The following NRG1 variants were observed in gnomAD, a reference collection of about 807,000 sequenced individuals.
NRG1 encodes the protein pro-neuregulin-1, membrane-bound isoform.
In NRG1, 18 loss-of-function variants were observed where a neutral mutation model predicts 63.8. The ratio of observed to expected loss-of-function variants is 0.28; its 90% CI spans 0.19 to 0.42. NRG1 has a LOEUF of 0.42. Among genes scored for constraint, NRG1 ranks in the 10% least tolerant of loss-of-function variants. NRG1 has a pLI of 1.00. For synonymous variants in NRG1, 302 were observed against 301.3 expected, an observed-to-expected ratio of 1.00 and a Z score of -0.02; for missense variants, 762 against 814.7, an observed-to-expected ratio of 0.94 and a Z score of 0.79.
At chr8:31,954,382 T>C (rs761016166) in intron 1 of NRG1, among the ~76,000 whole-genome samples, 1 of 152,194 alleles carries the variant, frequency 6.6e-6, no homozygotes, top group Non-Finnish European at 1.5e-5. Context: ...TCTTTGGAAA[T>C]ATAGTTTATG....
chr8:32,065,417 T>C (rs530990857), intron 1 of NRG1, among the ~76,000 whole-genome samples: 61 of 152,254 alleles, frequency 4.0e-4, no homozygotes, highest in South Asian at 1.9e-3. Context: ...TGTGTTCTCA[T>C]TGTTCAATTC....
intron 1 of NRG1, among the ~76,000 whole-genome samples, chr8:32,141,451 G>T (rs571924272): frequency 3.0e-4 from 46 of 151,160 alleles, no homozygotes; most frequent in Admixed American, 1.3e-3. Context: ...ATGAAATTTT[G>T]GCCAGGGAAA....
intron 1 of NRG1, among the ~76,000 whole-genome samples, chr8:31,788,443 T>C (rs1427964768): frequency 1.3e-5 from 2 of 152,206 alleles, no homozygotes; most frequent in African/African-American, 4.8e-5. Flanking sequence ...AAACCTATTG[T>C]CTTCTTAAAT....
At chr8:32,763,895 G>A in exon 12 of NRG1, 1 of 1,614,006 alleles carries the variant, frequency 6.2e-7, no homozygotes, top group South Asian at 1.1e-5. Context: ...GCCCCTTCAT[G>A]GAAGAAGAGA....
chr8:31,817,845 T>C (rs1410038415), intron 1 of NRG1, among the ~76,000 whole-genome samples: 1 of 152,228 alleles, frequency 6.6e-6, no homozygotes, highest in Non-Finnish European at 1.5e-5. Context: ...TTTTGTAAGA[T>C]ATTAGAGAAC....
chr8:31,708,536 C>G (rs1368615123), intron 1 of NRG1, among the ~76,000 whole-genome samples: 37 of 149,724 alleles, frequency 2.5e-4, no homozygotes, highest in Admixed American at 1.8e-3. Context: ...AGCTCCGCCT[C>G]CCGGGTTCAC....
At chr8:32,425,559 A>G (rs754956925) in intron 1 of NRG1, among the ~76,000 whole-genome samples, 3 of 152,148 alleles carry the variant, frequency 2.0e-5, no homozygotes, top group Admixed American at 6.5e-5. Context: ...CCATTTCTTT[A>G]TATCTGTGGC....
intron 1 of NRG1, among the ~76,000 whole-genome samples, chr8:32,452,532 C>G (rs1330485241): frequency 6.6e-6 from 1 of 152,104 alleles, no homozygotes; most frequent in Non-Finnish European, 1.5e-5. Flanking sequence ...AGGCTAGAGG[C>G]TAGAATAAGT....
In NRG1 at chr8:32,558,899, G is replaced by T. The variant is rs1213482610; in HGVS notation, c.100+10073G>T. On this transcript the variant is annotated intron_variant, in intron 1 of 11. Transcript: ENST00000356819. ...ATTCAAGACCAGCCTGGGCAACACA[G>T]GAGTCCTCATCTCTACTAAAAATCC... Among the ~76,000 whole-genome samples the T allele has an allele frequency of 2.6e-5, 4 of 151,918 alleles. No individual in the cohort carries two copies. The East Asian group carries it at 5.8e-4, about 22-fold the overall frequency.
intron 5 of NRG1, chr8:32,647,359 T>C (rs1287965472): frequency 8.8e-5 from 87 of 985,228 alleles, no homozygotes; most frequent in Non-Finnish European, 1.0e-4. Context: ...GTGAGAAACA[T>C]GCCTTTCAGT....
At chr8:32,534,928 A>G (rs946552670) in intron 1 of NRG1, among the ~76,000 whole-genome samples, 1 of 152,180 alleles carries the variant, frequency 6.6e-6, no homozygotes, top group East Asian at 1.9e-4. Flanking sequence ...TCTTGGAATT[A>G]TTTAATACAC....
intron 1 of NRG1, among the ~76,000 whole-genome samples, chr8:32,120,165 A>G (rs1435314413): frequency 7.9e-5 from 12 of 152,116 alleles, no homozygotes; most frequent in Non-Finnish European, 1.6e-4. Context: ...TAGTTGTCCC[A>G]CTGTTTAAAA....
chr8:31,742,764 G>T (rs187787128), intron 1 of NRG1, among the ~76,000 whole-genome samples: 16 of 151,980 alleles, frequency 1.1e-4, no homozygotes, highest in Admixed American at 6.6e-4. Context: ...TGGTGGCTCT[G>T]CTATTTTCAA....
At chr8:32,709,688 T>C (rs1817329457) in intron 5 of NRG1, among the ~76,000 whole-genome samples, 1 of 152,152 alleles carries the variant, frequency 6.6e-6, no homozygotes, top group Non-Finnish European at 1.5e-5. Context: ...CCCAAAGTGC[T>C]GGGATAATAG....
intron 1 of NRG1, among the ~76,000 whole-genome samples, chr8:32,268,980 C>A (rs1851275666): frequency 6.6e-6 from 1 of 152,146 alleles, no homozygotes; most frequent in African/African-American, 2.4e-5. Context: ...ACTTAGCTCA[C>A]AAGATGATAT....
At chr8:31,947,502 G>T (rs867926558) in intron 1 of NRG1, among the ~76,000 whole-genome samples, 13 of 152,012 alleles carry the variant, frequency 8.6e-5, no homozygotes, top group Admixed American at 1.3e-4. Context: ...TCTGGGCCAG[G>T]TATTCTTTGT....
intron 1 of NRG1, among the ~76,000 whole-genome samples, chr8:32,412,961 T>C (rs1815323487): frequency 6.6e-6 from 1 of 152,086 alleles, no homozygotes; most frequent in African/African-American, 2.4e-5. Context: ...AACTGGGAAA[T>C]TATACATAGA....
At chr8:32,062,394 G>T (rs1824035140) in intron 1 of NRG1, among the ~76,000 whole-genome samples, 3 of 152,044 alleles carry the variant, frequency 2.0e-5, no homozygotes, top group Admixed American at 2.0e-4. Context: ...AGACGTCAGA[G>T]TTGGGGGGAA....
intron 1 of NRG1, among the ~76,000 whole-genome samples, chr8:32,573,668 A>ATTT (rs1214810369): frequency 6.6e-6 from 1 of 151,976 alleles, no homozygotes; most frequent in African/African-American, 2.4e-5. Context: ...TATTATTATT[A>ATTT]TACTTTAAGT....
Sources: allele counts gnomAD v4.1 joint callset (sites outside exome capture counted in the v4.1 genomes callset), GRCh38; gene constraint gnomAD v4.1.1; transcripts MANE v1.5; gene names NCBI Gene and HGNC (gene_info 2026-07-23, HGNC 2026-07-21).